Variants in PRRC1 observed in about 807,000 individuals in gnomAD.
PRRC1 encodes the protein proline rich coiled-coil 1.
A neutral mutation model predicts 40.7 loss-of-function variants in PRRC1; 39 were observed. That is an observed-to-expected ratio of 0.96 (90% confidence interval 0.74 to 1.25). The LOEUF is 1.25. Ranked by LOEUF, PRRC1 falls within the 50% of genes most tolerant of loss-of-function variation. PRRC1 has a pLI of 0.00. For missense variants in PRRC1, 573 were observed against 548.3 expected (o/e 1.05, Z -0.45); for synonymous variants, 175 against 193.3 (o/e 0.91, Z 0.79).
At chr5:127,544,503 C>T (rs1768154383) in intron 7 of PRRC1, among the ~76,000 whole-genome samples, 1 of 152,262 alleles carries the variant, frequency 6.6e-6, no homozygotes, top group African/African-American at 2.4e-5. Context: ...CAGAGGCAGG[C>T]AGCCCTCCTT....
chr5:127,532,879 TAGA>T (rs1433330131), intron 5 of PRRC1, among the ~76,000 whole-genome samples: 1 of 152,202 alleles, frequency 6.6e-6, no homozygotes, highest in Non-Finnish European at 1.5e-5. Flanking sequence ...GTGCTGTGTT[TAGA>T]ACAAGGGCTT....
At position 127,552,366 on chromosome 5, in the gene PRRC1, C is replaced by T. The variant is rs946222297; in HGVS notation, c.*450C>T. ...CTTTGACTACTTTTGTATGTGCACA[C>T]GATCTCAGGGCTGGTGCTGAGCAGC... is the stretch of plus-strand genomic sequence containing the variant. On this transcript the variant is annotated 3_prime_UTR_variant, in exon 9 of 9. Transcript: ENST00000296666. 9 of 1,009,840 alleles carry T rather than the reference C, an allele frequency of 8.9e-6. No homozygotes were observed. Among genetic ancestry groups the T allele is most frequent in the African/African-American group, 5.2e-5 (3 of 57,566 alleles). The allele number at this position is 1,009,840 out of a possible 1,614,324, so 62.6% of individuals were successfully genotyped here.
intron 7 of PRRC1, among the ~76,000 whole-genome samples, chr5:127,544,550 G>C (rs575547728): frequency 5.9e-5 from 9 of 152,356 alleles, no homozygotes; most frequent in African/African-American, 2.2e-4. Flanking sequence ...GAGCTTCCCG[G>C]CTGTTTTGTT....
chr5:127,540,566 A>G (rs1362175601), intron 7 of PRRC1, among the ~76,000 whole-genome samples: 1 of 152,090 alleles, frequency 6.6e-6, no homozygotes, highest in Admixed American at 6.6e-5. Context: ...AGAGCTGCTC[A>G]CTACCAATTC....
At chr5:127,533,160 T>C (rs1767817827) in intron 5 of PRRC1, among the ~76,000 whole-genome samples, 1 of 152,170 alleles carries the variant, frequency 6.6e-6, no homozygotes, top group South Asian at 2.1e-4. Flanking sequence ...TGGTGTATGC[T>C]CAGAACATTG....
chr5:127,549,162 A>C (rs1291248423), intron 8 of PRRC1: 1 of 152,142 alleles, frequency 6.6e-6, no homozygotes. Flanking sequence ...TAACTAAAAA[A>C]AAAAAAATCA....
chr5:127,552,210 G>GA lies in PRRC1; in HGVS notation c.*294_*295insA. 8 of 1,132,902 alleles carry GA rather than the reference G, an allele frequency of 7.1e-6. No individual in the cohort carries two copies. Among genetic ancestry groups the GA allele is most frequent in the Non-Finnish European group, 8.7e-6 (8 of 920,992 alleles). The allele number at this position is 1,132,902 out of a possible 1,614,324, so 70.2% of individuals were successfully genotyped here. A position where few individuals can be genotyped will look rare whatever the true frequency, so the allele number is the denominator to read the frequency against. ...CCAGATTTATAAGGTGGAAATTCAT[G>GA]TGCAGAGACATTTAACTTAATGCCA... On this transcript the variant is annotated 3_prime_UTR_variant, in exon 9 of 9. Coordinates refer to ENST00000296666, the MANE Select transcript of PRRC1 (RefSeq NM_130809.5).
At chr5:127,523,248 G>A (rs1030079434) in intron 1 of PRRC1, among the ~76,000 whole-genome samples, 3 of 152,180 alleles carry the variant, frequency 2.0e-5, no homozygotes, top group South Asian at 4.1e-4. Flanking sequence ...ATCTACATGG[G>A]AATGTTACAG....
intron 7 of PRRC1, among the ~76,000 whole-genome samples, chr5:127,544,114 C>T (rs377505773): frequency 6.6e-6 from 1 of 152,216 alleles, no homozygotes; most frequent in South Asian, 2.1e-4. Context: ...ATCTGCAGGT[C>T]TGTTGGAGTT....
At chr5:127,543,781 T>G (rs1768126316) in intron 7 of PRRC1, among the ~76,000 whole-genome samples, 3 of 152,188 alleles carry the variant, frequency 2.0e-5, no homozygotes, top group Non-Finnish European at 4.4e-5. Flanking sequence ...CGTCTAAATT[T>G]TTTTCAAAGT....
chr5:127,552,184 A>G lies in PRRC1; in HGVS notation c.*268A>G. The G allele has an allele frequency of 1.3e-5, 15 of 1,192,900 alleles. No individual in the cohort carries two copies. The highest frequency in any genetic ancestry group is 1.6e-5 in the Non-Finnish European group (15 of 958,218). 73.9% of individuals were successfully genotyped at this position (1,192,900 alleles called of 1,614,324 possible). ...ATCTATTTACAGCACAATTTAATAT[A>G]CCAGATTTATAAGGTGGAAATTCAT... On this transcript the variant is annotated 3_prime_UTR_variant, in exon 9 of 9. Coordinates refer to ENST00000296666, the MANE Select transcript of PRRC1 (RefSeq NM_130809.5).
intron 7 of PRRC1, among the ~76,000 whole-genome samples, chr5:127,544,357 C>T (rs1262539354): frequency 3.3e-5 from 5 of 152,214 alleles, no homozygotes; most frequent in Non-Finnish European, 2.9e-5. Flanking sequence ...AGGCAGTCTG[C>T]CCGTTCTCAG....
chr5:127,524,956 T>C, intron 3 of PRRC1, 36 bp downstream of exon 3: 1 of 1,513,148 alleles, frequency 6.6e-7, no homozygotes, highest in East Asian at 2.3e-5. Context: ...ACATGGCTAT[T>C]AATTAATGTT....
chr5:127,554,900 G>T lies in PRRC1; in HGVS notation c.*2984G>T, dbSNP rs1315004229. ...ATTATAAACAGGACTTTGTAGTTTG[G>T]GAAGCCAAATTGATAATATTCTATG... On this transcript the variant is annotated 3_prime_UTR_variant, in exon 9 of 9. Transcript: ENST00000296666. 1 of 152,464 alleles carries T rather than the reference G, an allele frequency of 6.6e-6. No individual in the cohort carries two copies. The highest frequency in any genetic ancestry group is 1.5e-5 in the Non-Finnish European group (1 of 68,010). 9.4% of individuals were successfully genotyped at this position (152,464 alleles called of 1,614,324 possible). A position where few individuals can be genotyped will look rare whatever the true frequency, so the allele number is the denominator to read the frequency against.
chr5:127,522,181 C>T (rs1767477821), intron 1 of PRRC1, among the ~76,000 whole-genome samples: 1 of 152,170 alleles, frequency 6.6e-6, no homozygotes, highest in African/African-American at 2.4e-5. Flanking sequence ...TGGTTCTGTA[C>T]TTGAGATACA....
chr5:127,527,542 G>A (rs757121843), intron 4 of PRRC1, among the ~76,000 whole-genome samples: 2 of 151,764 alleles, frequency 1.3e-5, no homozygotes, highest in African/African-American at 2.4e-5. Context: ...TGCTTGAGTC[G>A]AGGAGTTCTG....
Position 127,551,687 on chromosome 5 carries a change from T to C in PRRC1, c.1129-20T>C, listed in dbSNP as rs201258662. On this transcript the variant is annotated intron_variant, in intron 8 of 8. Transcript: ENST00000296666. ...ATTTTTAAATGTATTATAAGTAATA[T>C]CAATTTCATCTTTCCACAGGCTCAA... 1.1e-5 allele frequency: 18 copies of C among 1,611,416 alleles called. No homozygotes were observed. The African/African-American group carries it at 1.2e-4, about 11-fold the overall frequency.
At chr5:127,519,485 T>G (rs771310836) in intron 1 of PRRC1, among the ~76,000 whole-genome samples, 3 of 152,248 alleles carry the variant, frequency 2.0e-5, no homozygotes, top group Non-Finnish European at 4.4e-5. Flanking sequence ...GTTTGGCAGA[T>G]CCATTGAACT....
intron 7 of PRRC1, 25 bp downstream of exon 7, chr5:127,539,168 A>G (rs1767973322): frequency 6.3e-7 from 1 of 1,575,436 alleles, no homozygotes; most frequent in Non-Finnish European, 8.7e-7. Context: ...TTTCTCTTGG[A>G]AGCAAAATAT....
Sources: allele counts gnomAD v4.1 joint callset (sites outside exome capture counted in the v4.1 genomes callset), GRCh38; gene constraint gnomAD v4.1.1; transcripts MANE v1.5; gene names NCBI Gene and HGNC (gene_info 2026-07-23, HGNC 2026-07-21).